The following AIG1 variants were observed in gnomAD, a reference collection of about 807,000 sequenced individuals.
AIG1 encodes the protein androgen induced 1.
In AIG1, 23 loss-of-function variants were observed where a neutral mutation model predicts 31.4. That is an observed-to-expected ratio of 0.73 (90% CI 0.53 to 1.04). The LOEUF (loss-of-function observed/expected upper bound fraction) is 1.04, where lower values mean the gene tolerates loss of function less well. AIG1 is among the 50% of genes least tolerant of loss of function. The pLI is 0.00. For synonymous variants in AIG1, 100 were observed against 110.5 expected (o/e 0.90, Z 0.60); for missense variants, 274 against 295.0 (o/e 0.93, Z 0.52).
intron 3 of AIG1, among the ~76,000 whole-genome samples, chr6:143,168,888 C>A (rs1787227366): frequency 6.6e-6 from 1 of 151,888 alleles, no homozygotes; most frequent in African/African-American, 2.4e-5. Context: ...ATTTTATTTT[C>A]AATTGATCTT....
chr6:143,260,017 C>CTTTTTT (rs35620148), intron 3 of AIG1, among the ~76,000 whole-genome samples: 36 of 85,114 alleles, frequency 4.2e-4, no homozygotes, highest in African/African-American at 6.5e-4. Context: ...TCTTGTGCTT[C>CTTTTTT]TTTTTTTTTT....
intron 1 of AIG1, among the ~76,000 whole-genome samples, chr6:143,072,595 C>T (rs1353851894): frequency 6.6e-6 from 1 of 151,468 alleles, no homozygotes; most frequent in Non-Finnish European, 1.5e-5. Context: ...TTTGTATATG[C>T]CCCTTATCAG....
intron 1 of AIG1, among the ~76,000 whole-genome samples, chr6:143,089,873 C>T (rs1459250523): frequency 1.3e-5 from 2 of 152,172 alleles, no homozygotes; most frequent in African/African-American, 4.8e-5. Flanking sequence ...TCCCATTAGG[C>T]CCCACCTCCA....
chr6:143,293,934 C>T lies in AIG1; in HGVS notation c.515+9709C>T, dbSNP rs1798236075. On this transcript the variant is annotated intron_variant, in intron 4 of 5. Transcript: ENST00000357847. The surrounding 1 kb of genome is among the most constrained non-coding windows in gnomAD (Gnocchi z 4.8). ...CTCTATCCACTCCCCTCCACCTCCA[C>T]CTCACTCTCCCAGTCCTCCCAGCAG... Among the ~76,000 whole-genome samples the T allele has an allele frequency of 6.6e-6, 1 of 152,142 alleles. No individual in the cohort carries two copies. The highest frequency in any genetic ancestry group is 1.5e-5 in the Non-Finnish European group (1 of 68,030).
At chr6:143,321,563 C>G (rs1395482481) in intron 4 of AIG1, among the ~76,000 whole-genome samples, 1 of 151,836 alleles carries the variant, frequency 6.6e-6, no homozygotes, top group Non-Finnish European at 1.5e-5. Flanking sequence ...ACTTGTCCAG[C>G]CTGGGCGACA....
chr6:143,193,615 C>T (rs1789974518), intron 3 of AIG1, among the ~76,000 whole-genome samples: 1 of 151,722 alleles, frequency 6.6e-6, no homozygotes, highest in Admixed American at 6.6e-5. Context: ...TAAGGACAAC[C>T]AAGAAGTTGA....
chr6:143,060,769 C>G (rs1221925983), upstream of AIG1: 1 of 169,664 alleles, frequency 5.9e-6, no homozygotes, highest in Non-Finnish European at 1.1e-5. Flanking sequence ...GCGCCAGTCC[C>G]CGGGGGCGCG....
intron 3 of AIG1, among the ~76,000 whole-genome samples, chr6:143,187,099 C>T (rs1789331412): frequency 2.0e-5 from 3 of 152,114 alleles, no homozygotes; most frequent in Non-Finnish European, 2.9e-5. Context: ...AAAACTGCCC[C>T]GGTAGAAATA....
chr6:143,149,497 C>T (rs1784998700), intron 2 of AIG1, among the ~76,000 whole-genome samples: 2 of 132,826 alleles, frequency 1.5e-5, no homozygotes, highest in Admixed American at 8.5e-5. Flanking sequence ...ACTGCACTCG[C>T]ACTCTAGGCT....
intron 1 of AIG1, 53 bp from the exon 2 acceptor site, chr6:143,136,782 C>T: frequency 7.6e-7 from 1 of 1,312,106 alleles, no homozygotes; most frequent in Non-Finnish European, 9.8e-7. Context: ...TGCTGTTCCA[C>T]AGCTTGGGTC....
chr6:143,165,088 G>A lies in AIG1; in HGVS notation c.304G>A (p.Val102Ile). The change falls in exon 3 of 6, where the codon GTA becomes ATA. Residue 102 changes from valine (V) to isoleucine (I), a missense_variant. Physicochemically the swap from Val to Ile is conservative, Grantham distance 29 (BLOSUM62 3). Coordinates refer to ENST00000357847, the MANE Select transcript of AIG1 (RefSeq NM_016108.4). ...GATTTCTTTTTCCTTCCAGTTTGTT[G>A]TAGCAGTGTTCTGGATCATTTATGC... ...VLAFPVGVFVVAVFWIIYAYD... is the reference protein window; with the variant it reads ...VLAFPVGVFVIAVFWIIYAYD... 6.2e-7 allele frequency: 1 copy of A among 1,609,746 alleles called. No individual in the cohort carries two copies. The highest frequency in any genetic ancestry group is 8.5e-7 in the Non-Finnish European group (1 of 1,176,556).
chr6:143,341,400 G>A (rs993616599), downstream of AIG1, among the ~76,000 whole-genome samples: 2 of 152,032 alleles, frequency 1.3e-5, no homozygotes, highest in African/African-American at 4.8e-5. Context: ...AAATTTATAT[G>A]TTGAACCCGT....
chr6:143,199,176 A>G (rs1173189470), intron 3 of AIG1, among the ~76,000 whole-genome samples: 1 of 152,196 alleles, frequency 6.6e-6, no homozygotes, highest in Non-Finnish European at 1.5e-5. Flanking sequence ...AAATGATTGC[A>G]ATGAATTGAG....
Position 143,340,977 on chromosome 6 carries a change from A to G in AIG1, c.*1301A>G, listed in dbSNP as rs2128728550. Reference sequence around the variant, plus strand: ...AAAAATGAAAAGCATTAAACTTTTTAATTTGAAAAAAATTTAAACTCAAAA... The same window carrying G: ...AAAAATGAAAAGCATTAAACTTTTTGATTTGAAAAAAATTTAAACTCAAAA... On this transcript the variant is annotated 3_prime_UTR_variant, in exon 6 of 6. Transcript: ENST00000357847. 6.6e-6 allele frequency among the ~76,000 whole-genome samples: 1 copy of G among 152,306 alleles called. No individual in the cohort carries two copies. Among genetic ancestry groups the G allele is most frequent in the South Asian group, 2.1e-4 (1 of 4,826 alleles).
chr6:143,217,874 G>T (rs1251826410), intron 3 of AIG1, among the ~76,000 whole-genome samples: 1 of 152,186 alleles, frequency 6.6e-6, no homozygotes, highest in Non-Finnish European at 1.5e-5. Flanking sequence ...TCACGTGGTA[G>T]GATAATGTTT....
intron 3 of AIG1, chr6:143,189,731 A>C: frequency 1.0e-6 from 1 of 985,390 alleles, no homozygotes; most frequent in South Asian, 4.7e-5. Context: ...CAAAACCCTC[A>C]TCCCTAATTT....
At chr6:143,171,018 G>A (rs1787457726) in intron 3 of AIG1, among the ~76,000 whole-genome samples, 2 of 151,918 alleles carry the variant, frequency 1.3e-5, no homozygotes, top group South Asian at 4.1e-4. Flanking sequence ...TAAGAGATGG[G>A]AAAAGGCATA....
intron 3 of AIG1, chr6:143,186,727 A>G (rs1446035798): frequency 6.6e-6 from 1 of 152,398 alleles, no homozygotes; most frequent in African/African-American, 2.4e-5. Context: ...GAATGCAGAC[A>G]TTTGAAAGGG....
chr6:143,221,833 G>C (rs1459412805), intron 3 of AIG1, among the ~76,000 whole-genome samples: 1 of 152,146 alleles, frequency 6.6e-6, no homozygotes, highest in African/African-American at 2.4e-5. Context: ...TGTGATTACT[G>C]TATTTCTTTC....
Sources: gnomAD v4.1 joint callset for allele counts (sites outside exome capture counted in the v4.1 genomes callset) on GRCh38, gnomAD v4.1.1 for gene constraint, Gnocchi (gnomAD v3.1) non-coding constraint, MANE v1.5 for transcripts, NCBI Gene and HGNC (gene_info 2026-07-23, HGNC 2026-07-21) for gene names.